Variants in LAMA2 observed in about 807,000 individuals in gnomAD.
LAMA2 encodes laminin subunit alpha 2.
Under a neutral mutation model 364.8 loss-of-function variants are expected in LAMA2, and 269 were observed. The ratio of observed to expected loss-of-function variants is 0.74; its 90% confidence interval spans 0.67 to 0.82. The LOEUF (loss-of-function observed/expected upper bound fraction) is 0.82, where lower values mean the gene tolerates loss of function less well. Among genes scored for constraint, LAMA2 ranks in the 40% least tolerant of loss-of-function variants. LAMA2 has a pLI of 0.00. For missense variants in LAMA2, 3,807 were observed against 3,873.2 expected, an observed-to-expected ratio of 0.98 and a Z score of 0.45; for synonymous variants, 1,379 against 1,370.6, an observed-to-expected ratio of 1.01 and a Z score of -0.14.
intron 1 of LAMA2, among the ~76,000 whole-genome samples, chr6:128,928,014 C>G (rs1779203041): frequency 6.6e-6 from 1 of 152,170 alleles, no homozygotes; most frequent in African/African-American, 2.4e-5. Flanking sequence ...ACTGGAAAGC[C>G]TCTCTGGGAC....
intron 22 of LAMA2, among the ~76,000 whole-genome samples, chr6:129,310,698 G>A (rs1304675066): frequency 6.6e-6 from 1 of 152,082 alleles, no homozygotes; most frequent in Non-Finnish European, 1.5e-5. Flanking sequence ...GGTGTCCCGA[G>A]TACAGGTACA....
At chr6:129,007,088 C>G (rs1024654712) in intron 1 of LAMA2, among the ~76,000 whole-genome samples, 1 of 152,098 alleles carries the variant, frequency 6.6e-6, no homozygotes, top group Non-Finnish European at 1.5e-5. Flanking sequence ...GTGCCTGTTC[C>G]CCATCGTGGC....
chr6:129,491,639 C>T (rs1181797695), intron 56 of LAMA2, among the ~76,000 whole-genome samples: 1 of 152,206 alleles, frequency 6.6e-6, no homozygotes, highest in Admixed American at 6.5e-5. Flanking sequence ...GGCTGCACAG[C>T]GCTGTTGTCA....
chr6:129,223,886 T>A (rs1441708030), intron 12 of LAMA2, among the ~76,000 whole-genome samples: 1 of 152,178 alleles, frequency 6.6e-6, no homozygotes, highest in Non-Finnish European at 1.5e-5. Context: ...GTGAAGAAAG[T>A]CACTGGTAGC....
At chr6:129,346,511 C>T (rs1776563087) in intron 30 of LAMA2, among the ~76,000 whole-genome samples, 1 of 151,860 alleles carries the variant, frequency 6.6e-6, no homozygotes, top group Admixed American at 6.6e-5. Flanking sequence ...ATACTTCATC[C>T]CAACACTATG....
intron 1 of LAMA2, among the ~76,000 whole-genome samples, chr6:128,997,283 A>G (rs1784013841): frequency 6.6e-6 from 1 of 151,386 alleles, no homozygotes. Flanking sequence ...TAAAGTAGAA[A>G]GAAAGAAAGA....
intron 9 of LAMA2, among the ~76,000 whole-genome samples, chr6:129,173,023 G>A (rs1462323075): frequency 6.6e-6 from 1 of 152,226 alleles, no homozygotes; most frequent in Non-Finnish European, 1.5e-5. Context: ...GCCTCGCCCT[G>A]CTTCGGCTCG....
chr6:129,486,710 C>CTG, intron 56 of LAMA2, 88 bp downstream of exon 56: 5 of 1,228,456 alleles, frequency 4.1e-6, no homozygotes, highest in African/African-American at 1.5e-5. Flanking sequence ...GCCTGAACCT[C>CTG]TGTGTGTGTG....
chr6:129,017,311 G>A (rs1785140761), intron 1 of LAMA2, among the ~76,000 whole-genome samples: 1 of 151,850 alleles, frequency 6.6e-6, no homozygotes, highest in Non-Finnish European at 1.5e-5. Context: ...TAGTTTTTAT[G>A]TAATAAATGT....
chr6:129,012,083 G>A (rs1206807914), intron 1 of LAMA2, among the ~76,000 whole-genome samples: 1 of 152,060 alleles, frequency 6.6e-6, no homozygotes, highest in Non-Finnish European at 1.5e-5. Context: ...TTTGTCATTT[G>A]ATGCAGTTCT....
At chr6:129,274,567 A>G (rs904143424) in intron 17 of LAMA2, among the ~76,000 whole-genome samples, 1 of 151,996 alleles carries the variant, frequency 6.6e-6, no homozygotes, top group African/African-American at 2.4e-5. Flanking sequence ...CTTAGATAAT[A>G]TTGCTAAATA....
intron 12 of LAMA2, among the ~76,000 whole-genome samples, chr6:129,219,272 A>G (rs966933256): frequency 2.6e-5 from 4 of 152,328 alleles, no homozygotes; most frequent in South Asian, 2.1e-4. Context: ...CAAAACCACA[A>G]TGAGATACCA....
chr6:129,484,303 G>T lies in LAMA2; in HGVS notation c.7750-2171G>T, dbSNP rs1043699646. ...ATTGGAAAGATGTGAATCAAAGAGTGCCCTTGATCACTGCTGGTAGAAAAA... is the reference window on the plus strand; with the variant it reads ...ATTGGAAAGATGTGAATCAAAGAGTTCCCTTGATCACTGCTGGTAGAAAAA... On this transcript the variant is annotated intron_variant, in intron 55 of 64. Coordinates refer to ENST00000421865, the MANE Select transcript of LAMA2 (RefSeq NM_000426.4). Among the ~76,000 whole-genome samples the T allele has an allele frequency of 2.0e-5, 3 of 152,168 alleles. No homozygotes were observed. In the South Asian group the frequency reaches 6.2e-4, roughly 32 times the overall value.
intron 41 of LAMA2, among the ~76,000 whole-genome samples, chr6:129,431,757 T>C (rs970173481): frequency 7.9e-5 from 12 of 152,190 alleles, no homozygotes; most frequent in Non-Finnish European, 1.3e-4. Context: ...TATGAAACAT[T>C]ATTCCAATCA....
chr6:129,078,637 A>AT (rs1251967878), intron 3 of LAMA2, among the ~76,000 whole-genome samples: 1 of 152,130 alleles, frequency 6.6e-6, no homozygotes, highest in Non-Finnish European at 1.5e-5. Context: ...TGGTATGGCT[A>AT]TTTTTTTAAA....
At chr6:128,933,401 A>C (rs1779618130) in intron 1 of LAMA2, among the ~76,000 whole-genome samples, 1 of 152,172 alleles carries the variant, frequency 6.6e-6, no homozygotes, top group African/African-American at 2.4e-5. Flanking sequence ...TCTCCTTGAG[A>C]TACTGATATC....
intron 1 of LAMA2, chr6:128,928,940 A>G (rs1779266559): frequency 1.2e-6 from 1 of 843,506 alleles, no homozygotes; most frequent in South Asian, 1.4e-5. Context: ...CACAACAGAT[A>G]AGGGAGTAGA....
chr6:129,052,452 CTCTG>C (rs1258998096), intron 2 of LAMA2, among the ~76,000 whole-genome samples: 2 of 151,922 alleles, frequency 1.3e-5, no homozygotes, highest in Non-Finnish European at 2.9e-5. Flanking sequence ...CCGGCCTTTT[CTCTG>C]TCTTTTTAAA....
intron 30 of LAMA2, among the ~76,000 whole-genome samples, chr6:129,345,670 ACACAC>A (rs1776505057): frequency 6.6e-6 from 1 of 152,170 alleles, no homozygotes; most frequent in Non-Finnish European, 1.5e-5. Context: ...TAAGCCAGAA[ACACAC>A]AAAAACTTGT....
Sources: allele counts gnomAD v4.1 joint callset (sites outside exome capture counted in the v4.1 genomes callset), GRCh38; gene constraint gnomAD v4.1.1; transcripts MANE v1.5; gene names NCBI Gene and HGNC (gene_info 2026-07-23, HGNC 2026-07-21).